ARHGEF9: variants seen among roughly 807,000 people sequenced by gnomAD.
ARHGEF9 encodes rho guanine nucleotide exchange factor 9.
Under a neutral mutation model 41.3 loss-of-function variants are expected in ARHGEF9, and 2 were observed. The ratio of observed to expected loss-of-function variants is 0.05; its 90% CI spans 0.02 to 0.15. The LOEUF (loss-of-function observed/expected upper bound fraction) is 0.15, where lower values mean the gene tolerates loss of function less well. ARHGEF9 is among the 10% of genes least tolerant of loss of function. ARHGEF9 has a pLI of 1.00. For missense variants in ARHGEF9, 225 were observed against 424.7 expected (o/e 0.53, Z 4.13); for synonymous variants, 160 against 154.4 (o/e 1.04, Z -0.27).
At chrX:63,642,983 C>A (rs1556307997) in intron 9 of ARHGEF9, 2 of 111,849 alleles carry the variant, frequency 1.8e-5, no homozygotes, top group Admixed American at 9.5e-5. Context: ...CTCAAAGACC[C>A]TCAGCTACCT....
At chrX:63,679,223 G>T (rs1246256142) in intron 4 of ARHGEF9, among the ~76,000 whole-genome samples, 1 of 110,926 alleles carries the variant, frequency 9.0e-6, no homozygotes, top group Non-Finnish European at 1.9e-5. Context: ...GGAGAGAGAG[G>T]GAGAGCACAC....
intron 8 of ARHGEF9, among the ~76,000 whole-genome samples, chrX:63,645,247 C>CT (rs1186719038): frequency 9.2e-6 from 1 of 109,138 alleles, no homozygotes; most frequent in Admixed American, 9.8e-5. Context: ...TTTTAATATA[C>CT]TTTAAGTTTT....
At chrX:63,741,865 CTG>C (rs1272718026) in intron 1 of ARHGEF9, among the ~76,000 whole-genome samples, 5 of 112,548 alleles carry the variant, frequency 4.4e-5, no homozygotes, top group African/African-American at 1.3e-4. Flanking sequence ...TATGTTCCAG[CTG>C]TGTGTCCCAT....
At chrX:63,684,766 T>C (rs1482210957) in intron 4 of ARHGEF9, among the ~76,000 whole-genome samples, 1 of 110,084 alleles carries the variant, frequency 9.1e-6, no homozygotes, top group South Asian at 3.8e-4. Context: ...AGACACAGAA[T>C]AGAATATTAT....
At chrX:63,720,517 T>A (rs1258796671) in intron 2 of ARHGEF9, among the ~76,000 whole-genome samples, 1 of 112,157 alleles carries the variant, frequency 8.9e-6, no homozygotes, top group African/African-American at 3.2e-5. Context: ...ACATGTGACC[T>A]ATTCACAGGA....
At chrX:63,647,638 T>A (rs2048205649) in intron 8 of ARHGEF9, among the ~76,000 whole-genome samples, 1 of 111,541 alleles carries the variant, frequency 9.0e-6, no homozygotes, top group Non-Finnish European at 1.9e-5. Flanking sequence ...TTTGCCAGTA[T>A]TTTATTGAGG....
intron 4 of ARHGEF9, among the ~76,000 whole-genome samples, chrX:63,679,514 G>A (rs1272646767): frequency 9.0e-6 from 1 of 111,357 alleles, no homozygotes; most frequent in African/African-American, 3.3e-5. Flanking sequence ...TGAAAAACAA[G>A]CAAAATAGCA....
rs1218292398 is a variant in ARHGEF9, at chrX:63,740,639, T to C, written c.31-15928A>G. On this transcript the variant is annotated intron_variant, in intron 1 of 9. Transcript: ENST00000671741. ...CAAAGCCAAAGCTGAGAAATGGGCA[T>C]GAGGCTGTTATAGTTAATAGTAACC... is the stretch of plus-strand genomic sequence containing the variant. Among the ~76,000 whole-genome samples the C allele has an allele frequency of 7.9e-4, 88 of 111,711 alleles. 2 individuals carry two copies. In the Admixed American group the frequency reaches 8.4e-3, roughly 11 times the overall value.
In ARHGEF9 at chrX:63,762,960, T is replaced by C. The variant is rs2056058050; in HGVS notation, c.30+22156A>G. ...ATATTTTCACTTTCTTAGGATTTTA[T>C]TAATAACATTTTATTTTCTCTAGCT... On this transcript the variant is annotated intron_variant, in intron 1 of 9. Transcript: ENST00000671741. Among the ~76,000 whole-genome samples the C allele has an allele frequency of 4.4e-5, 5 of 112,379 alleles. No individual in the cohort carries two copies. The Admixed American group carries it at 4.7e-4, about 11-fold the overall frequency.
At chrX:63,665,143 C>T (rs1415042669) in intron 7 of ARHGEF9, among the ~76,000 whole-genome samples, 1 of 112,439 alleles carries the variant, frequency 8.9e-6, no homozygotes, top group Non-Finnish European at 1.9e-5. Context: ...CTGGTCTGAA[C>T]TCTCTACTGT....
At chrX:63,674,982 G>C (rs2050172142) in intron 5 of ARHGEF9, among the ~76,000 whole-genome samples, 1 of 111,475 alleles carries the variant, frequency 9.0e-6, no homozygotes, top group African/African-American at 3.3e-5. Context: ...CTTTAAGGTA[G>C]AGAGCATACG....
At chrX:63,660,382 G>C (rs1556340213) in intron 7 of ARHGEF9, among the ~76,000 whole-genome samples, 2 of 111,054 alleles carry the variant, frequency 1.8e-5, no homozygotes, top group Non-Finnish European at 3.8e-5. Flanking sequence ...CAGACACTGG[G>C]GTTTACTTGA....
chrX:63,742,594 T>C (rs185453492), intron 1 of ARHGEF9, among the ~76,000 whole-genome samples: 1 of 111,803 alleles, frequency 8.9e-6, no homozygotes, highest in African/African-American at 3.3e-5. Context: ...CAAAATGACA[T>C]GTAGTTTATC....
intron 2 of ARHGEF9, chrX:63,715,935 T>C (rs190899394): frequency 8.9e-6 from 1 of 112,081 alleles, no homozygotes; most frequent in East Asian, 2.8e-4. Context: ...ATGCATTGAA[T>C]TGTATACTTT....
At chrX:63,704,077 A>G (rs1602479569) in intron 3 of ARHGEF9, among the ~76,000 whole-genome samples, 1 of 111,754 alleles carries the variant, frequency 8.9e-6, no homozygotes, top group East Asian at 2.8e-4. Context: ...GTAAACAATA[A>G]TAACTTTGAC....
intron 8 of ARHGEF9, among the ~76,000 whole-genome samples, chrX:63,648,601 T>C (rs2048298089): frequency 9.0e-6 from 1 of 111,162 alleles, no homozygotes; most frequent in Non-Finnish European, 1.9e-5. Context: ...CACATAACAA[T>C]ACTAACCTTA....
intron 2 of ARHGEF9, among the ~76,000 whole-genome samples, chrX:63,714,636 T>C (rs2053172332): frequency 8.9e-6 from 1 of 112,022 alleles, no homozygotes. Flanking sequence ...ACCTCTGAAA[T>C]AGAAATAATA....
chrX:63,776,240 C>T (rs782042637), intron 1 of ARHGEF9, among the ~76,000 whole-genome samples: 4 of 111,393 alleles, frequency 3.6e-5, no homozygotes, highest in Admixed American at 9.5e-5. Flanking sequence ...AAGGCACTGC[C>T]ATGGTAACCC....
chrX:63,745,426 G>T (rs1231788259), intron 1 of ARHGEF9, among the ~76,000 whole-genome samples: 3 of 111,088 alleles, frequency 2.7e-5, no homozygotes, highest in Non-Finnish European at 3.8e-5. Flanking sequence ...TCTCCAGGAG[G>T]TTATATAAAG....
Sources: gnomAD v4.1 joint callset for allele counts (sites outside exome capture counted in the v4.1 genomes callset) on GRCh38, gnomAD v4.1.1 for gene constraint, MANE v1.5 for transcripts, NCBI Gene and HGNC (gene_info 2026-07-23, HGNC 2026-07-21) for gene names.